GALNTL6: variants seen among roughly 807,000 people sequenced by gnomAD.
The protein encoded by GALNTL6 is polypeptide N-acetylgalactosaminyltransferase-like 6.
Under a neutral mutation model 73.7 loss-of-function variants are expected in GALNTL6, and 46 were observed. That is an observed-to-expected ratio of 0.62 (90% CI 0.49 to 0.80). GALNTL6 has a LOEUF of 0.80. Among genes scored for constraint, GALNTL6 ranks in the 30% least tolerant of loss-of-function variants. The pLI, the probability that GALNTL6 is intolerant of heterozygous loss-of-function variation, is 0.00. For synonymous variants in GALNTL6, 259 were observed against 263.7 expected (o/e 0.98, Z 0.17); for missense variants, 604 against 755.0 (o/e 0.80, Z 2.34).
chr4:172,405,437 ATATATATTTTTTTTTTTT>A (rs1264904274), intron 5 of GALNTL6, among the ~76,000 whole-genome samples: 23 of 2,806 alleles, frequency 8.2e-3, no homozygotes, highest in Admixed American at 0.033. Flanking sequence ...ATATATATAT[ATATATATTTTTTTTTTTT>A]TTTTTTTTTT....
intron 5 of GALNTL6, among the ~76,000 whole-genome samples, chr4:172,698,432 TC>T (rs1321934642): frequency 7.9e-5 from 12 of 152,068 alleles, no homozygotes; most frequent in Non-Finnish European, 7.4e-5. Flanking sequence ...TGAGATCCCA[TC>T]TACCCTCCAC....
At chr4:172,711,266 C>T (rs935712121) in intron 5 of GALNTL6, among the ~76,000 whole-genome samples, 3 of 152,078 alleles carry the variant, frequency 2.0e-5, no homozygotes, top group African/African-American at 4.8e-5. Flanking sequence ...GATGGAACGC[C>T]GCGTACACAT....
intron 5 of GALNTL6, among the ~76,000 whole-genome samples, chr4:172,461,761 G>T (rs1055293455): frequency 1.3e-5 from 2 of 152,158 alleles, no homozygotes; most frequent in African/African-American, 4.8e-5. Flanking sequence ...GCACTCTTGG[G>T]CACTATTCAA....
At chr4:172,902,016 C>G (rs1222394355) in intron 8 of GALNTL6, among the ~76,000 whole-genome samples, 1 of 152,146 alleles carries the variant, frequency 6.6e-6, no homozygotes, top group Non-Finnish European at 1.5e-5. Flanking sequence ...GGGACAGAGA[C>G]AGTATTAAGT....
chr4:171,882,860 G>C (rs529357135), intron 2 of GALNTL6, among the ~76,000 whole-genome samples: 11 of 152,118 alleles, frequency 7.2e-5, no homozygotes, highest in Admixed American at 1.3e-4. Flanking sequence ...ACTATGTTTC[G>C]GGTAGTTAGT....
At chr4:171,873,996 A>G (rs1736205800) in intron 2 of GALNTL6, among the ~76,000 whole-genome samples, 1 of 152,196 alleles carries the variant, frequency 6.6e-6, no homozygotes, top group South Asian at 2.1e-4. Flanking sequence ...AAAACCTGGA[A>G]CCAGGTGTTG....
intron 5 of GALNTL6, among the ~76,000 whole-genome samples, chr4:172,553,907 AG>A (rs1736052505): frequency 6.6e-6 from 1 of 152,114 alleles, no homozygotes; most frequent in East Asian, 1.9e-4. Context: ...AAAATTAGCC[AG>A]GCATGGTGGC....
chr4:172,226,162 C>T (rs28396703), intron 2 of GALNTL6, among the ~76,000 whole-genome samples: 2,168 of 152,290 alleles, frequency 0.014, 56 homozygotes, highest in African/African-American at 0.049. Context: ...TACCAAGGGG[C>T]AACTGTGTCA....
At chr4:172,197,143 G>C (rs936582494) in intron 2 of GALNTL6, among the ~76,000 whole-genome samples, 2 of 151,950 alleles carry the variant, frequency 1.3e-5, no homozygotes, top group East Asian at 3.9e-4. Context: ...TATACACCCA[G>C]AACCAACAAG....
chr4:172,556,044 C>G (rs1736129386), intron 5 of GALNTL6, among the ~76,000 whole-genome samples: 1 of 151,960 alleles, frequency 6.6e-6, no homozygotes, highest in Non-Finnish European at 1.5e-5. Context: ...GTTAGGATAC[C>G]TTCTGGCATT....
intron 2 of GALNTL6, among the ~76,000 whole-genome samples, chr4:171,860,652 T>A (rs1388186421): frequency 6.6e-6 from 1 of 152,184 alleles, no homozygotes; most frequent in East Asian, 1.9e-4. Context: ...TGAGGAGCAT[T>A]GATTATATTG....
intron 5 of GALNTL6, among the ~76,000 whole-genome samples, chr4:172,498,988 A>G (rs906127232): frequency 1.3e-5 from 2 of 152,210 alleles, no homozygotes; most frequent in African/African-American, 4.8e-5. Context: ...AGTCTGGCAT[A>G]AATAAGACTT....
intron 4 of GALNTL6, among the ~76,000 whole-genome samples, chr4:172,341,323 C>A (rs915791213): frequency 6.7e-6 from 1 of 148,724 alleles, no homozygotes; most frequent in African/African-American, 2.5e-5. Flanking sequence ...TAGTGGCGGG[C>A]GCCTGTAGTC....
chr4:172,998,924 A>T (rs1413016804), intron 10 of GALNTL6, among the ~76,000 whole-genome samples: 2 of 151,886 alleles, frequency 1.3e-5, no homozygotes, highest in East Asian at 3.9e-4. Context: ...ACGTGGTTGC[A>T]TCAGTCCAAG....
intron 2 of GALNTL6, among the ~76,000 whole-genome samples, chr4:172,203,975 A>C (rs1051804750): frequency 6.6e-6 from 1 of 151,986 alleles, no homozygotes; most frequent in Non-Finnish European, 1.5e-5. Context: ...CGAACTAACG[A>C]CCTCAGGTGA....
chr4:172,054,770 T>C (rs114636350), intron 2 of GALNTL6, among the ~76,000 whole-genome samples: 183 of 152,298 alleles, frequency 1.2e-3, no homozygotes, highest in African/African-American at 4.0e-3. Flanking sequence ...AAAGGAAACC[T>C]AAATAATGAT....
rs182146568 is a variant in GALNTL6 at position 172,621,067 on chromosome 4, A to G, written c.554-188294A>G. ...GAGAAGCTCGGCTTTCTTTTTATTG[A>G]TTAAAGCTTGTAAGGAATAAAATAT... On this transcript the variant is annotated intron_variant, in intron 5 of 12. Transcript: ENST00000506823. Among the ~76,000 whole-genome samples, 14 of 152,318 alleles carry G rather than the reference A, an allele frequency of 9.2e-5. No individual in the cohort carries two copies. In the East Asian group the frequency reaches 2.3e-3, roughly 25 times the overall value.
chr4:172,311,858 A>T, intron 4 of GALNTL6, 106 bp downstream of exon 4: 1 of 750,846 alleles, frequency 1.3e-6, no homozygotes, highest in Non-Finnish European at 2.0e-6. Flanking sequence ...CAAATATTTT[A>T]TCCTAATAAT....
chr4:171,822,640 C>T (rs1487696266), intron 2 of GALNTL6, among the ~76,000 whole-genome samples: 1 of 152,116 alleles, frequency 6.6e-6, no homozygotes, highest in Non-Finnish European at 1.5e-5. Flanking sequence ...TAATAAAATA[C>T]ATAAAATCTA....
Sources: gnomAD v4.1 joint callset for allele counts (sites outside exome capture counted in the v4.1 genomes callset) on GRCh38, gnomAD v4.1.1 for gene constraint, MANE v1.5 for transcripts, NCBI Gene and HGNC (gene_info 2026-07-23, HGNC 2026-07-21) for gene names.